The following CDH12 variants were observed in gnomAD, a reference collection of about 807,000 sequenced individuals.
CDH12 encodes the protein cadherin 12, also known as cadherin-12.
CDH12 carries 41 observed loss-of-function variants against 74.1 expected under a neutral mutation model. That is an observed-to-expected ratio of 0.55 (90% CI 0.43 to 0.72). CDH12 has a LOEUF of 0.72. Among genes scored for constraint, CDH12 ranks in the 30% least tolerant of loss-of-function variants. The pLI is 0.00. For missense variants in CDH12, 945 were observed against 977.2 expected, an observed-to-expected ratio of 0.97 and a Z score of 0.44; for synonymous variants, 399 against 355.0, an observed-to-expected ratio of 1.12 and a Z score of -1.39.
At chr5:21,811,860 T>C (rs973397660) in intron 9 of CDH12, among the ~76,000 whole-genome samples, 15 of 149,546 alleles carry the variant, frequency 1.0e-4, no homozygotes, top group African/African-American at 3.6e-4. Flanking sequence ...GAATTCGAAG[T>C]GTCACAGTGA....
At chr5:22,067,996 C>T (rs1425908199) in intron 5 of CDH12, among the ~76,000 whole-genome samples, 1 of 151,704 alleles carries the variant, frequency 6.6e-6, no homozygotes. Context: ...TAAATAAATA[C>T]ATAGAAAAAG....
intron 3 of CDH12, among the ~76,000 whole-genome samples, chr5:22,373,194 G>T (rs1370279510): frequency 1.3e-5 from 2 of 152,142 alleles, no homozygotes; most frequent in Non-Finnish European, 2.9e-5. Flanking sequence ...GTCCACCTCT[G>T]CTGGCCCCAA....
At chr5:22,567,892 T>C (rs1739366618) in intron 1 of CDH12, among the ~76,000 whole-genome samples, 1 of 152,222 alleles carries the variant, frequency 6.6e-6, no homozygotes, top group Non-Finnish European at 1.5e-5. Flanking sequence ...ATATTTTGAC[T>C]TATTTTTGCC....
At chr5:22,167,120 G>T (rs563676968) in intron 4 of CDH12, among the ~76,000 whole-genome samples, 1 of 152,244 alleles carries the variant, frequency 6.6e-6, no homozygotes, top group African/African-American at 2.4e-5. Context: ...CATACATATG[G>T]ATGAGAAAAG....
At chr5:22,698,364 G>A (rs368054120) in intron 1 of CDH12, among the ~76,000 whole-genome samples, 4 of 150,838 alleles carry the variant, frequency 2.7e-5, no homozygotes, top group South Asian at 4.2e-4. Context: ...CAAGTAATCC[G>A]CCCACCTCGG....
At chr5:22,308,907 GGA>G (rs1380028641) in intron 3 of CDH12, among the ~76,000 whole-genome samples, 11 of 30,926 alleles carry the variant, frequency 3.6e-4, no homozygotes, top group East Asian at 1.0e-3. Context: ...AGGAGAGAGA[GGA>G]GAGAGAGAGA....
intron 1 of CDH12, among the ~76,000 whole-genome samples, chr5:22,645,401 T>C (rs1223088752): frequency 6.6e-6 from 1 of 152,054 alleles, no homozygotes; most frequent in Non-Finnish European, 1.5e-5. Flanking sequence ...GAAGTGAAGC[T>C]GAATGTGGGG....
intron 3 of CDH12, among the ~76,000 whole-genome samples, chr5:22,327,835 T>G (rs1271245336): frequency 6.6e-6 from 1 of 152,178 alleles, no homozygotes; most frequent in Non-Finnish European, 1.5e-5. Flanking sequence ...ACCTTGTCCT[T>G]TGATCTCCCC....
intron 6 of CDH12, among the ~76,000 whole-genome samples, chr5:21,885,538 T>C (rs962457777): frequency 1.8e-4 from 28 of 152,192 alleles, no homozygotes; most frequent in Non-Finnish European, 3.4e-4. Context: ...AATTTGTAGA[T>C]AGCAAATCTG....
chr5:22,154,022 T>G (rs985766635), intron 4 of CDH12, among the ~76,000 whole-genome samples: 2 of 149,580 alleles, frequency 1.3e-5, no homozygotes, highest in Admixed American at 6.7e-5. Flanking sequence ...ATTACAGGCA[T>G]GAGCCATCTC....
intron 8 of CDH12, among the ~76,000 whole-genome samples, chr5:21,833,316 TATATAATATATATTATATATTATATAAC>T (rs1263710525): frequency 2.6e-3 from 27 of 10,240 alleles, no homozygotes; most frequent in Admixed American, 3.3e-3. Context: ...TGTTATATGT[TATATAATATATATTATATATTATATAAC>T]ATATAATATA....
intron 4 of CDH12, among the ~76,000 whole-genome samples, chr5:22,203,911 C>A (rs1751058674): frequency 6.6e-6 from 1 of 151,924 alleles, no homozygotes; most frequent in African/African-American, 2.4e-5. Flanking sequence ...AAATTCTATT[C>A]GGATTGTGGG....
chr5:21,894,372 C>G (rs942988511), intron 6 of CDH12, among the ~76,000 whole-genome samples: 1 of 140,502 alleles, frequency 7.1e-6, no homozygotes, highest in African/African-American at 2.8e-5. Context: ...GAGGGAGACA[C>G]CGTCTCAAAG....
intron 3 of CDH12, among the ~76,000 whole-genome samples, chr5:22,313,145 T>C (rs1738461921): frequency 6.6e-6 from 1 of 152,136 alleles, no homozygotes; most frequent in Non-Finnish European, 1.5e-5. Context: ...AAGGGTAGAA[T>C]TGTGGTTGTA....
intron 1 of CDH12, among the ~76,000 whole-genome samples, chr5:22,813,781 G>C (rs939268669): frequency 6.6e-6 from 1 of 152,102 alleles, no homozygotes; most frequent in Non-Finnish European, 1.5e-5. Context: ...AATGAATGAT[G>C]CTGACCACAT....
chr5:21,982,880 C>T (rs912999680), intron 5 of CDH12, among the ~76,000 whole-genome samples: 5 of 151,570 alleles, frequency 3.3e-5, no homozygotes, highest in African/African-American at 4.8e-5. Flanking sequence ...ATTTTTTTTC[C>T]GTAACATCTT....
At chr5:22,264,662 GAACCTTTGA>G (rs1351340451) in intron 3 of CDH12, among the ~76,000 whole-genome samples, 1 of 152,132 alleles carries the variant, frequency 6.6e-6, no homozygotes, top group African/African-American at 2.4e-5. Flanking sequence ...CAGCAGCTTT[GAACCTTTGA>G]AGAGCCTGAC....
chr5:22,777,947 G>A (rs1309093557), intron 1 of CDH12, among the ~76,000 whole-genome samples: 1 of 151,844 alleles, frequency 6.6e-6, no homozygotes, highest in Non-Finnish European at 1.5e-5. Flanking sequence ...CCGAGTAGTT[G>A]GGAGTGTGCC....
intron 1 of CDH12, among the ~76,000 whole-genome samples, chr5:22,566,337 A>C (rs2126758538): frequency 6.6e-6 from 1 of 151,232 alleles, no homozygotes; most frequent in South Asian, 2.1e-4. Context: ...TCCCAGATTC[A>C]AGTGATTCTC....
Sources: allele counts gnomAD v4.1 joint callset (sites outside exome capture counted in the v4.1 genomes callset), GRCh38; gene constraint gnomAD v4.1.1; transcripts MANE v1.5; gene names NCBI Gene and HGNC (gene_info 2026-07-23, HGNC 2026-07-21).